OSER1: variants seen among roughly 807,000 people sequenced by gnomAD.
The protein encoded by OSER1 is oxidative stress-responsive serine-rich protein 1.
A neutral mutation model predicts 26.3 loss-of-function variants in OSER1; 15 were observed. The ratio of observed to expected loss-of-function variants is 0.57; its 90% confidence interval spans 0.38 to 0.88. The LOEUF (loss-of-function observed/expected upper bound fraction) is 0.88. OSER1 is among the 40% of genes least tolerant of loss of function. The pLI, the probability that OSER1 is intolerant of heterozygous loss-of-function variation, is 0.00. For missense variants in OSER1, 313 were observed against 353.9 expected, an observed-to-expected ratio of 0.88 and a Z score of 0.93; for synonymous variants, 127 against 128.2, an observed-to-expected ratio of 0.99 and a Z score of 0.07.
At chr20:44,205,697 T>C (rs1019172436) in intron 2 of OSER1, among the ~76,000 whole-genome samples, 2 of 151,756 alleles carry the variant, frequency 1.3e-5, no homozygotes, top group Non-Finnish European at 2.9e-5. Flanking sequence ...TCCCAGCACT[T>C]TGGGAGGCCG....
rs757268303 is a variant in OSER1, at chr20:44,197,189, C to G, written c.742G>C (p.Gly248Arg). Residue 248 changes from glycine (G) to arginine (R), a missense_variant, in exon 4 of 4, where the codon GGC becomes CGC. Gly to Arg is a moderately radical substitution (Grantham distance 125). Around this residue, in one of 2 missense-constraint regions of OSER1, gnomAD observed 300 missense variants for 318.3 expected, o/e 0.94. Coordinates refer to ENST00000255174, the MANE Select transcript of OSER1 (RefSeq NM_016470.8). ...TGCTCAGAACAGGATCGGGGAGAGC[C>G]AGACAGAGTTCTGGCGTGCAGCGAC... ...SQSLHARTLS[G>R]SPRSCSEQAR... The G allele has an allele frequency of 1.2e-6, 2 of 1,614,190 alleles. No homozygotes were observed. Among genetic ancestry groups the G allele is most frequent in the African/African-American group, 1.3e-5 (1 of 75,048 alleles).
chr20:44,200,387 C>G (rs1240936583), intron 3 of OSER1, among the ~76,000 whole-genome samples: 1 of 152,146 alleles, frequency 6.6e-6, no homozygotes, highest in Non-Finnish European at 1.5e-5. Context: ...AGAATGTGTC[C>G]ACCAGCCAGG....
At chr20:44,206,168 T>C (rs1424641966) in intron 2 of OSER1, among the ~76,000 whole-genome samples, 1 of 152,152 alleles carries the variant, frequency 6.6e-6, no homozygotes, top group Non-Finnish European at 1.5e-5. Flanking sequence ...AGGAAGTGAA[T>C]AATAAACTTT....
At chr20:44,204,504 C>T (rs6031453) in intron 2 of OSER1, among the ~76,000 whole-genome samples, 42,578 of 151,790 alleles carry the variant, frequency 0.28, 8,438 homozygotes, top group African/African-American at 0.55. Flanking sequence ...AGGCAGAATA[C>T]ATGCTACAAA....
At position 44,197,225 on chromosome 20, in the gene OSER1, C is replaced by T; in HGVS notation, c.706G>A (p.Asp236Asn). The T allele has an allele frequency of 6.2e-7, 1 of 1,614,194 alleles. No individual in the cohort carries two copies. Among genetic ancestry groups the T allele is most frequent in the Non-Finnish European group, 8.5e-7 (1 of 1,180,016 alleles). Residue 236 changes from aspartate to asparagine, a missense_variant, in exon 4 of 4, where the codon GAC becomes AAC. Transcript: ENST00000255174. ...LAPERRSTLE[D>N]YSQSLHARTL... ...CTGGCGTGCAGCGACTGAGAGTAGT[C>T]CTCAAGTGTGGATCTTCGTTCTGGA...
intron 2 of OSER1, among the ~76,000 whole-genome samples, chr20:44,204,851 T>C (rs1354761493): frequency 3.3e-5 from 5 of 152,236 alleles, no homozygotes; most frequent in Non-Finnish European, 7.3e-5. Context: ...ACTTTTTTTT[T>C]TTTTGAGACA....
At chr20:44,211,004 T>G (rs1466822379), upstream of OSER1, 1 of 152,346 alleles carries the variant, frequency 6.6e-6, no homozygotes, top group Non-Finnish European at 1.5e-5. Context: ...TATTCTTCGG[T>G]TTGCCTCCTC....
intron 1 of OSER1, among the ~76,000 whole-genome samples, chr20:44,208,801 T>C (rs956609): frequency 0.22 from 34,141 of 152,072 alleles, 5,746 homozygotes; most frequent in African/African-American, 0.47. Context: ...GTTCAGCTCT[T>C]ACCGAGTTCA....
chr20:44,207,172 A>G (rs2073046486), intron 1 of OSER1, 174 bp from the exon 2 acceptor site: 1 of 471,510 alleles, frequency 2.1e-6, no homozygotes, highest in Non-Finnish European at 3.8e-6. Flanking sequence ...AATGATACCA[A>G]AAATGGATAT....
In OSER1 at chr20:44,196,147, G is replaced by A. The variant is rs1357996699; in HGVS notation, c.*905C>T. On this transcript the variant is annotated 3_prime_UTR_variant, in exon 4 of 4. Transcript: ENST00000255174. ...CAGATTTTTTTTTTACCAAACTGGA[G>A]GGAATTTTGAAATGGCTGACCAAAT... is the stretch of plus-strand genomic sequence containing the variant. Among the ~76,000 whole-genome samples, 13 of 151,956 alleles carry A rather than the reference G, an allele frequency of 8.6e-5. No homozygotes were observed. The East Asian group carries it at 1.7e-3, about 20-fold the overall frequency.
At chr20:44,207,243 T>A (rs2073047469) in intron 1 of OSER1, 1 of 243,140 alleles carries the variant, frequency 4.1e-6, no homozygotes, top group Admixed American at 5.1e-5. Context: ...TACACAATTT[T>A]GGAAACTAGA....
chr20:44,210,418 C>CGCTGGGCGGGAGACGGCGGAGGA (rs1254936636), intron 1 of OSER1, among the ~76,000 whole-genome samples: 1 of 152,152 alleles, frequency 6.6e-6, no homozygotes, highest in African/African-American at 2.4e-5. Context: ...GGGAAGCTGC[C>CGCTGGGCGGGAGACGGCGGAGGA]GCTGGGCGGG....
chr20:44,208,478 ATAATT>A (rs2073062453), intron 1 of OSER1, among the ~76,000 whole-genome samples: 1 of 152,108 alleles, frequency 6.6e-6, no homozygotes, highest in Admixed American at 6.5e-5. Context: ...GGACAAAAAA[ATAATT>A]TAGATACATT....
chr20:44,205,226 T>C (rs1002069310), intron 2 of OSER1, among the ~76,000 whole-genome samples: 2 of 152,200 alleles, frequency 1.3e-5, no homozygotes, highest in African/African-American at 2.4e-5. Context: ...CTAAGAGATT[T>C]GTATGTATAA....
intron 3 of OSER1, 47 bp downstream of exon 3, chr20:44,202,914 A>T: frequency 9.2e-7 from 1 of 1,085,256 alleles, no homozygotes; most frequent in Non-Finnish European, 1.4e-6. Flanking sequence ...AAAATCCAAT[A>T]CTATTATAAT....
chr20:44,208,512 G>C (rs2073062933), intron 1 of OSER1, among the ~76,000 whole-genome samples: 3 of 151,472 alleles, frequency 2.0e-5, no homozygotes, highest in Non-Finnish European at 4.4e-5. Context: ...ATATTTTGCT[G>C]GTTTATTTAA....
rs1263370456 is a variant in OSER1 at position 44,196,247 on chromosome 20, C to A, written c.*805G>T. ...CAGGGCAGCTCAAAGAGGTAACCAT[C>A]TATAACATCTGAAACTGAGGTATGA... On this transcript the variant is annotated 3_prime_UTR_variant, in exon 4 of 4. Coordinates refer to ENST00000255174, the MANE Select transcript of OSER1 (RefSeq NM_016470.8). 1.4e-5 allele frequency among the ~76,000 whole-genome samples: 2 copies of A among 143,716 alleles called. No individual in the cohort carries two copies. Among genetic ancestry groups the A allele is most frequent in the Non-Finnish European group, 3.0e-5 (2 of 66,430 alleles). 94.3% of individuals were successfully genotyped at this position (143,716 alleles called of 152,430 possible). A position where few individuals can be genotyped will look rare whatever the true frequency, so the allele number is the denominator to read the frequency against.
chr20:44,211,206 T>G (rs930359563), upstream of OSER1: 9 of 152,348 alleles, frequency 5.9e-5, no homozygotes, highest in African/African-American at 2.2e-4. Context: ...GAGGACAGGG[T>G]GCGGGGGTCT....
At chr20:44,207,080 A>T in intron 1 of OSER1, 82 bp from the exon 2 acceptor site, 1 of 648,696 alleles carries the variant, frequency 1.5e-6, no homozygotes, top group Non-Finnish European at 2.7e-6. Flanking sequence ...AGAAAAAAAA[A>T]GCAAATTTTT....
Sources: allele counts gnomAD v4.1 joint callset (sites outside exome capture counted in the v4.1 genomes callset), GRCh38; gene constraint gnomAD v4.1.1; regional missense constraint gnomAD v4.1.1; transcripts MANE v1.5; gene names NCBI Gene and HGNC (gene_info 2026-07-23, HGNC 2026-07-21).